The following GRIA2 variants were observed in gnomAD, a reference collection of about 807,000 sequenced individuals.
GRIA2 encodes glutamate receptor 2.
A neutral mutation model predicts 97.3 loss-of-function variants in GRIA2; 14 were observed. That is an observed-to-expected ratio of 0.14 (90% CI 0.10 to 0.23). GRIA2 has a LOEUF of 0.23. Ranked by LOEUF, GRIA2 falls within the 10% of genes least tolerant of loss-of-function variation. The pLI, the probability that GRIA2 is intolerant of heterozygous loss-of-function variation, is 1.00. For missense variants in GRIA2, 558 were observed against 1,069.8 expected (o/e 0.52, Z 6.67); for synonymous variants, 412 against 387.8 (o/e 1.06, Z -0.73).
Position 157,312,845 on chromosome 4 carries a change from A to G in GRIA2, c.636A>G (p.Glu212=). The change falls in exon 4 of 16, where the codon GAA becomes GAG. Residue 212 remains glutamate (E), a synonymous_variant. Coordinates refer to ENST00000264426, the MANE Select transcript of GRIA2 (RefSeq NM_001083619.3). Reference sequence around the variant, plus strand: ...AACGGCGTGTAATTCTGGACTGTGAAAGGGATAAAGTAAACGACATTGTAG... The same window carrying G: ...AACGGCGTGTAATTCTGGACTGTGAGAGGGATAAAGTAAACGACATTGTAG... ...KKERRVILDC[E]RDKVNDIVDQ... is the part of the protein sequence containing the mutation. The G allele has an allele frequency of 6.2e-7, 1 of 1,608,212 alleles. No homozygotes were observed. The highest frequency in any genetic ancestry group is 8.5e-7 in the Non-Finnish European group (1 of 1,176,642).
chr4:157,234,525 A>T (rs917511300), intron 2 of GRIA2, among the ~76,000 whole-genome samples: 4 of 152,148 alleles, frequency 2.6e-5, no homozygotes, highest in African/African-American at 9.7e-5. Context: ...AATTTAAAAA[A>T]TGTAGATGAT....
At chr4:157,321,984 G>A (rs934902607) in intron 6 of GRIA2, among the ~76,000 whole-genome samples, 4 of 152,070 alleles carry the variant, frequency 2.6e-5, no homozygotes, top group East Asian at 1.9e-4. Context: ...AGAATGCCAC[G>A]AGGGAAGAGA....
chr4:157,239,925 G>A (rs999067320), intron 2 of GRIA2, among the ~76,000 whole-genome samples: 1 of 151,696 alleles, frequency 6.6e-6, no homozygotes, highest in Non-Finnish European at 1.5e-5. Context: ...TCTAATTCAT[G>A]TATTCTAGTC....
intron 3 of GRIA2, among the ~76,000 whole-genome samples, chr4:157,310,642 A>G (rs1019318225): frequency 1.2e-4 from 18 of 152,018 alleles, no homozygotes; most frequent in African/African-American, 3.4e-4. Context: ...TATAATGGTA[A>G]TAGTATTATT....
chr4:157,302,238 C>T (rs903582093), intron 2 of GRIA2, among the ~76,000 whole-genome samples: 3 of 151,268 alleles, frequency 2.0e-5, no homozygotes, highest in Admixed American at 6.6e-5. Flanking sequence ...CACTGTTCTG[C>T]GGATCGTCAG....
intron 2 of GRIA2, among the ~76,000 whole-genome samples, chr4:157,245,362 C>T (rs1476729903): frequency 6.6e-6 from 1 of 152,060 alleles, no homozygotes; most frequent in African/African-American, 2.4e-5. Flanking sequence ...CTTTTCCTTT[C>T]TCTATATTCT....
chr4:157,249,597 G>A (rs1464501531), intron 2 of GRIA2: 2 of 152,090 alleles, frequency 1.3e-5, no homozygotes, highest in African/African-American at 4.8e-5. Flanking sequence ...AAATAATCAT[G>A]TGCCTGGCAA....
chr4:157,350,319 T>C (rs760845404), intron 12 of GRIA2, among the ~76,000 whole-genome samples: 8 of 152,158 alleles, frequency 5.3e-5, no homozygotes, highest in Non-Finnish European at 2.9e-5. Flanking sequence ...GGTTTTCATA[T>C]ATTTTAATTG....
chr4:157,311,987 G>A (rs903179140), intron 3 of GRIA2, among the ~76,000 whole-genome samples: 1 of 151,916 alleles, frequency 6.6e-6, no homozygotes, highest in African/African-American at 2.4e-5. Flanking sequence ...TTACTAACAG[G>A]AAAATAGACA....
At chr4:157,309,338 G>T (rs191959085) in intron 3 of GRIA2, among the ~76,000 whole-genome samples, 28 of 148,262 alleles carry the variant, frequency 1.9e-4, no homozygotes, top group African/African-American at 6.7e-4. Flanking sequence ...GAAAGTCAGA[G>T]AAATTTCTTG....
At chr4:157,234,240 G>C (rs1248957792) in intron 2 of GRIA2, among the ~76,000 whole-genome samples, 5 of 151,956 alleles carry the variant, frequency 3.3e-5, no homozygotes, top group Non-Finnish European at 2.9e-5. Flanking sequence ...CAATTCCCCT[G>C]AGTATATATT....
At chr4:157,248,800 AT>A (rs1730886931) in intron 2 of GRIA2, among the ~76,000 whole-genome samples, 2 of 141,054 alleles carry the variant, frequency 1.4e-5, no homozygotes, top group Non-Finnish European at 3.1e-5. Flanking sequence ...ATATATATAT[AT>A]ATATATATAT....
At chr4:157,363,398 A>G (rs1296809454) in intron 15 of GRIA2, 37 bp from the exon 16 acceptor site, 4 of 1,211,934 alleles carry the variant, frequency 3.3e-6, no homozygotes, top group South Asian at 4.0e-5. Flanking sequence ...ATAACGTATG[A>G]TTTCTTTTTC....
chr4:157,336,289 C>T (rs1203679651), intron 10 of GRIA2, 88 bp from the exon 11 acceptor site: 5 of 1,050,388 alleles, frequency 4.8e-6, no homozygotes, highest in Non-Finnish European at 7.0e-6. Context: ...CTGATTTCCT[C>T]TCCTTTTTCT....
intron 11 of GRIA2, among the ~76,000 whole-genome samples, chr4:157,339,594 A>G (rs184493880): frequency 3.7e-4 from 57 of 152,084 alleles, no homozygotes; most frequent in African/African-American, 1.2e-3. Flanking sequence ...ATAGAGGACA[A>G]CTTACATCTA....
In GRIA2 at chr4:157,363,339, A is replaced by C. The variant is rs1736720326; in HGVS notation, c.*4-96A>C. 4 of 791,252 alleles carry C rather than the reference A, an allele frequency of 5.1e-6. No individual in the cohort carries two copies. In the South Asian group the frequency reaches 2.4e-4, roughly 47 times the overall value. The allele number at this position is 791,252 out of a possible 1,614,324, so 49.0% of individuals were successfully genotyped here. A position where few individuals can be genotyped will look rare whatever the true frequency, so the allele number is the denominator to read the frequency against. On this transcript the variant is annotated intron_variant, in intron 15 of 15. Transcript: ENST00000264426. ...TTGCTAGAAGCTTTCAGATAGAAGT[A>C]AACTTTTCAAAAACAACCCTGCCTT...
intron 3 of GRIA2, among the ~76,000 whole-genome samples, chr4:157,312,106 C>T (rs2126884600): frequency 6.6e-6 from 1 of 151,806 alleles, no homozygotes; most frequent in East Asian, 1.9e-4. Context: ...AAAAAAATAA[C>T]ATAACAGAAG....
At chr4:157,221,618 C>G in intron 1 of GRIA2, 49 bp from the exon 2 acceptor site, 1 of 1,593,520 alleles carries the variant, frequency 6.3e-7, no homozygotes, top group Non-Finnish European at 8.6e-7. Context: ...CCTCCTTTCC[C>G]TCCCGGGGCA....
chr4:157,266,477 G>A (rs568331284), intron 2 of GRIA2, among the ~76,000 whole-genome samples: 5 of 152,088 alleles, frequency 3.3e-5, no homozygotes, highest in East Asian at 1.9e-4. Flanking sequence ...AAGAAAAAGC[G>A]GTTTCCAGTA....
Sources: gnomAD v4.1 joint callset for allele counts (sites outside exome capture counted in the v4.1 genomes callset) on GRCh38, gnomAD v4.1.1 for gene constraint, MANE v1.5 for transcripts, NCBI Gene and HGNC (gene_info 2026-07-23, HGNC 2026-07-21) for gene names.